ZMYM2: variants seen among roughly 807,000 people sequenced by gnomAD.
ZMYM2 encodes zinc finger MYM-type protein 2.
ZMYM2 carries 56 observed loss-of-function variants against 162.8 expected under a neutral mutation model. The observed-to-expected ratio is 0.34, with a 90% CI of 0.28 to 0.43. The LOEUF (loss-of-function observed/expected upper bound fraction) is 0.43. ZMYM2 is among the 20% of genes least tolerant of loss of function. The pLI is 1.00. For missense variants in ZMYM2, 1,275 were observed against 1,621.8 expected (o/e 0.79, Z 3.67); for synonymous variants, 510 against 541.6 (o/e 0.94, Z 0.81).
upstream of ZMYM2, among the ~76,000 whole-genome samples, chr13:19,958,444 A>G (rs1954713679): frequency 1.4e-5 from 2 of 144,654 alleles, no homozygotes; most frequent in Admixed American, 6.8e-5. Flanking sequence ...CGGGCTCCTG[A>G]CCCTGGCAGA....
chr13:19,988,742 C>T (rs1949377182), intron 2 of ZMYM2, among the ~76,000 whole-genome samples: 1 of 151,974 alleles, frequency 6.6e-6, no homozygotes, highest in Admixed American at 6.6e-5. Context: ...AGATCGATTG[C>T]GCCACTGCAT....
intron 12 of ZMYM2, among the ~76,000 whole-genome samples, chr13:20,050,529 C>T (rs1484713343): frequency 6.6e-6 from 1 of 151,856 alleles, no homozygotes; most frequent in East Asian, 1.9e-4. Flanking sequence ...TAGTTCATTT[C>T]TAGATCAGAA....
intron 6 of ZMYM2, among the ~76,000 whole-genome samples, chr13:20,013,829 AGTACTTT>A (rs1951393441): frequency 6.6e-6 from 1 of 152,064 alleles, no homozygotes; most frequent in Non-Finnish European, 1.5e-5. Context: ...TCAGTTTAGT[AGTACTTT>A]GTTGAGGATC....
chr13:19,869,743 G>A, the ZMYM2 span, among the ~76,000 whole-genome samples: 1 of 152,070 alleles, frequency 6.6e-6, no homozygotes, highest in African/African-American at 2.4e-5. Flanking sequence ...GGCTGTCATT[G>A]TGCCACTGCA....
chr13:19,918,962 C>T, the ZMYM2 span, among the ~76,000 whole-genome samples: 1 of 152,114 alleles, frequency 6.6e-6, no homozygotes, highest in Non-Finnish European at 1.5e-5. Flanking sequence ...AAACATTGAA[C>T]TGTTCTATCA....
intron 2 of ZMYM2, among the ~76,000 whole-genome samples, chr13:19,964,877 GA>G (rs1566166008): frequency 3.9e-5 from 6 of 151,952 alleles, no homozygotes; most frequent in Admixed American, 3.3e-4. Context: ...AATTTGCTAG[GA>G]ATATAACTAA....
At chr13:20,057,100 T>C (rs1292103528) in intron 14 of ZMYM2, among the ~76,000 whole-genome samples, 2 of 152,148 alleles carry the variant, frequency 1.3e-5, no homozygotes, top group African/African-American at 2.4e-5. Flanking sequence ...TTAATGTTTG[T>C]TTTGTTTTTG....
At chr13:19,900,694 G>C in the ZMYM2 span, among the ~76,000 whole-genome samples, 151,949 of 152,224 alleles carry the variant, frequency 1, 75,837 homozygotes, top group Non-Finnish European at 1. Flanking sequence ...ACTTGATGTA[G>C]TGTCACTGTG....
the ZMYM2 span, among the ~76,000 whole-genome samples, chr13:19,910,707 T>C: frequency 6.6e-6 from 1 of 152,236 alleles, no homozygotes; most frequent in South Asian, 2.1e-4. Context: ...AACCCTGCGA[T>C]CACTCTTCTC....
intron 12 of ZMYM2, among the ~76,000 whole-genome samples, chr13:20,049,892 A>T (rs1003956939): frequency 6.6e-6 from 1 of 151,942 alleles, no homozygotes; most frequent in African/African-American, 2.4e-5. Flanking sequence ...TCCTTCCTTT[A>T]TGCTTTGTCT....
At chr13:19,930,578 C>T in the ZMYM2 span, among the ~76,000 whole-genome samples, 1 of 150,682 alleles carries the variant, frequency 6.6e-6, no homozygotes. Context: ...CACTCTGTGG[C>T]CCAGGCTGGA....
the ZMYM2 span, among the ~76,000 whole-genome samples, chr13:19,894,057 A>G: frequency 6.6e-6 from 1 of 151,850 alleles, no homozygotes; most frequent in Non-Finnish European, 1.5e-5. Flanking sequence ...ATTGTTGTAA[A>G]TCAAAACCAC....
At chr13:19,885,847 CAAAA>C in the ZMYM2 span, among the ~76,000 whole-genome samples, 2,686 of 22,970 alleles carry the variant, frequency 0.12, 731 homozygotes, top group Middle Eastern at 0.31. Context: ...AACTCTGTCT[CAAAA>C]AAAAAAAAAA....
intron 6 of ZMYM2, among the ~76,000 whole-genome samples, chr13:20,010,504 T>G (rs567571345): frequency 8.5e-5 from 13 of 152,302 alleles, no homozygotes; most frequent in Non-Finnish European, 1.8e-4. Flanking sequence ...ACCTGGCCAG[T>G]GAGCAATTTT....
intron 5 of ZMYM2, among the ~76,000 whole-genome samples, 158 bp from the exon 6 acceptor site, chr13:20,006,216 A>C (rs1395632388): frequency 1.4e-5 from 2 of 146,584 alleles, no homozygotes; most frequent in African/African-American, 5.1e-5. Flanking sequence ...CTGGGTAATG[A>C]GTGAGACCCT....
At chr13:19,870,854 C>T in the ZMYM2 span, among the ~76,000 whole-genome samples, 6 of 151,700 alleles carry the variant, frequency 4.0e-5, no homozygotes, top group South Asian at 4.2e-4. Context: ...CTCCGACTCC[C>T]GACCTCAGGT....
chr13:19,885,995 A>ATGTG, the ZMYM2 span, among the ~76,000 whole-genome samples: 12 of 141,242 alleles, frequency 8.5e-5, 3 homozygotes, highest in East Asian at 1.6e-3. Flanking sequence ...ATACACATAT[A>ATGTG]TATGTGTATA....
At chr13:19,893,450 A>C in the ZMYM2 span, among the ~76,000 whole-genome samples, 3 of 151,762 alleles carry the variant, frequency 2.0e-5, no homozygotes, top group African/African-American at 7.3e-5. Context: ...TTAACACACA[A>C]ATATAGTCCA....
intron 12 of ZMYM2, among the ~76,000 whole-genome samples, chr13:20,044,503 C>G (rs556508105): frequency 6.6e-6 from 1 of 152,246 alleles, no homozygotes; most frequent in African/African-American, 2.4e-5. Flanking sequence ...AGGAGTGCAC[C>G]AGTACTCTCA....
Sources: gnomAD v4.1 joint callset for allele counts (sites outside exome capture counted in the v4.1 genomes callset) on GRCh38, gnomAD v4.1.1 for gene constraint, MANE v1.5 for transcripts, NCBI Gene and HGNC (gene_info 2026-07-23, HGNC 2026-07-21) for gene names.